SLC4A2: variants seen among roughly 807,000 people sequenced by gnomAD.
The protein encoded by SLC4A2 is solute carrier family 4 member 2.
SLC4A2 carries 36 observed loss-of-function variants against 115.0 expected under a neutral mutation model. The ratio of observed to expected loss-of-function variants is 0.31; its 90% CI spans 0.24 to 0.41. The LOEUF is 0.41. Ranked by LOEUF, SLC4A2 falls within the 10% of genes least tolerant of loss-of-function variation. The pLI is 1.00. For synonymous variants in SLC4A2, 708 were observed against 708.3 expected, an observed-to-expected ratio of 1.00 and a Z score of 0.01; for missense variants, 1,252 against 1,705.6, an observed-to-expected ratio of 0.73 and a Z score of 4.68.
At position 151,072,089 on chromosome 7, in the gene SLC4A2, T is replaced by C. The variant is rs774513086; in HGVS notation, c.2488T>C (p.Leu830=). 1.9e-6 allele frequency: 3 copies of C among 1,614,092 alleles called. No homozygotes were observed. The highest frequency in any genetic ancestry group is 1.7e-5 in the Admixed American group (1 of 60,020). The change falls in exon 16 of 23, where the codon TTG becomes CTG. Residue 830 remains leucine, a synonymous_variant. Transcript: ENST00000413384. ...SRFTQEIFAF[L]ISLIFIYETF... ...CTTCACCCAGGAGATCTTCGCCTTC[T>C]TGATCTCACTCATCTTCATCTATGA...
In SLC4A2 at chr7:151,070,354, G is replaced by A. The variant is rs766411783; in HGVS notation, c.1449+8G>A. On this transcript the variant is annotated splice_region_variant and intron_variant, in intron 10 of 22. Coordinates refer to ENST00000413384, the MANE Select transcript of SLC4A2 (RefSeq NM_003040.4). ...CTGGAGGTGGAGCGAGAGGTGAGGG[G>A]AGAACCAGCCCTGCCTGGGCTGGCG... 3 of 1,610,054 alleles carry A rather than the reference G, an allele frequency of 1.9e-6. No individual in the cohort carries two copies. The South Asian group carries it at 3.3e-5, about 18-fold the overall frequency.
At position 151,070,439 on chromosome 7, in the gene SLC4A2, C is replaced by T. The variant is rs765228649; in HGVS notation, c.1450-18C>T. On this transcript the variant is annotated intron_variant, in intron 10 of 22. Transcript: ENST00000413384. ...TGGGAGGGGCCTGGCTGGGCTGAGC[C>T]CTGTCTGTGTCCCCCAGCGTGAGCT... is the stretch of plus-strand genomic sequence containing the variant. The T allele has an allele frequency of 6.2e-7, 1 of 1,611,410 alleles. No individual in the cohort carries two copies. The highest frequency in any genetic ancestry group is 1.7e-5 in the Admixed American group (1 of 59,690).
intron 8 of SLC4A2, among the ~76,000 whole-genome samples, chr7:151,068,771 C>T (rs1797322686): frequency 6.6e-6 from 1 of 151,948 alleles, no homozygotes; most frequent in Non-Finnish European, 1.5e-5. Flanking sequence ...TTACCCGCCT[C>T]AGCCTCCCAA....
chr7:151,070,659 C>T (rs1797404276), intron 11 of SLC4A2, 68 bp from the exon 12 acceptor site: 37 of 1,603,024 alleles, frequency 2.3e-5, no homozygotes, highest in Non-Finnish European at 3.2e-5. Flanking sequence ...CTTGGTGCCA[C>T]CCTGGGCGAG....
In SLC4A2 at chr7:151,074,056, C is replaced by A. The variant is rs761865320; in HGVS notation, c.2553C>A (p.Pro851=). ...CTCCCCAGATCTTCCAGGAGCACCCCCTGCATGGCTGCTCAGCCTCCAACA... is the reference window on the plus strand; with the variant it reads ...CTCCCCAGATCTTCCAGGAGCACCCACTGCATGGCTGCTCAGCCTCCAACA... ...YKLVKIFQEH[P]LHGCSASNSS... Residue 851 remains proline (P), a synonymous_variant, in exon 17 of 23, where the codon CCC becomes CCA. Coordinates refer to ENST00000413384, the MANE Select transcript of SLC4A2 (RefSeq NM_003040.4). 1 of 1,586,780 alleles carries A rather than the reference C, an allele frequency of 6.3e-7. No individual in the cohort carries two copies. The highest frequency in any genetic ancestry group is 1.1e-5 in the South Asian group (1 of 89,674).
intron 2 of SLC4A2, chr7:151,062,591 G>A: frequency 1.3e-6 from 2 of 1,485,988 alleles, no homozygotes; most frequent in Non-Finnish European, 1.8e-6. Context: ...CTGGGAAGGG[G>A]CACAGGCTGG....
chr7:151,069,748 G>A (rs1014885845), intron 8 of SLC4A2, among the ~76,000 whole-genome samples, 199 bp from the exon 9 acceptor site: 2 of 152,160 alleles, frequency 1.3e-5, no homozygotes, highest in East Asian at 3.9e-4. Context: ...CTGGGGGTCT[G>A]GGGGAGGGGA....
rs138877524 is a variant in SLC4A2, at chr7:151,064,878, C to A, written c.490C>A (p.Arg164=). ...TCTCCAAGAGGATGACAGTGCTGAC[C>A]GGAAGGCAGAGAGGACCAGTCCATC... is the stretch of plus-strand genomic sequence containing the variant. ...FFLQEDDSAD[R]KAERTSPSSP... Residue 164 remains arginine (R), a synonymous_variant, in exon 5 of 23, where the codon CGG becomes AGG. Coordinates refer to ENST00000413384, the MANE Select transcript of SLC4A2 (RefSeq NM_003040.4). 1.1e-5 allele frequency: 17 copies of A among 1,613,850 alleles called. No homozygotes were observed. Among genetic ancestry groups the A allele is most frequent in the Non-Finnish European group, 3.4e-6 (4 of 1,179,994 alleles).
rs1217315002 is a variant in SLC4A2, at chr7:151,062,023, A to G, written c.36A>G (p.Ala12=). 7 of 1,611,064 alleles carry G rather than the reference A, an allele frequency of 4.3e-6. No homozygotes were observed. The highest frequency in any genetic ancestry group is 5.9e-6 in the Non-Finnish European group (7 of 1,179,730). The change falls in exon 2 of 23, where the codon GCA becomes GCG. Residue 12 remains alanine, a synonymous_variant. Coordinates refer to ENST00000413384, the MANE Select transcript of SLC4A2 (RefSeq NM_003040.4). ...SSAPRRPAKG[A]DSFCTPEPES... ...CCCCTCGGCGCCCCGCCAAGGGCGCAGATTCTTTCTGTACGGTGAGTGTGG... is the reference window on the plus strand; with the variant it reads ...CCCCTCGGCGCCCCGCCAAGGGCGCGGATTCTTTCTGTACGGTGAGTGTGG...
rs1797440242 is a variant in SLC4A2, at chr7:151,071,523, A to G, written c.2109A>G (p.Ala703=). The G allele has an allele frequency of 1.9e-6, 3 of 1,613,854 alleles. No individual in the cohort carries two copies. The highest frequency in any genetic ancestry group is 2.5e-6 in the Non-Finnish European group (3 of 1,179,954). ...YPHYLSDFRD[A]LDPQCLAAVI... is the part of the protein sequence containing the mutation. ...ACTACCTGAGTGACTTCCGAGATGC[A>G]CTTGACCCTCAGTGCCTGGCCGCAG... Residue 703 remains alanine (A), a synonymous_variant, in exon 14 of 23, where the codon GCA becomes GCG. Transcript: ENST00000413384. The surrounding 1 kb of genome is among the most constrained non-coding windows in gnomAD (Gnocchi z 5.5).
In SLC4A2 at chr7:151,064,669, A is replaced by G. The variant is rs1322633619; in HGVS notation, c.361A>G (p.Ile121Val). 1.2e-6 allele frequency: 2 copies of G among 1,613,732 alleles called. No individual in the cohort carries two copies. The highest frequency in any genetic ancestry group is 1.7e-6 in the Non-Finnish European group (2 of 1,179,802). The change falls in exon 4 of 23, where the codon ATT becomes GTT. Residue 121 changes from isoleucine (I) to valine (V), a missense_variant. By Grantham distance (29) the Ile-to-Val change is conservative. Coordinates refer to ENST00000413384, the MANE Select transcript of SLC4A2 (RefSeq NM_003040.4). ...CTCCCCGACTGGAGAAACCCCGACC[A>G]TTGAGGAGGGGGAGGAAGATGAGGA... Reference protein sequence around the residue: ...GASPTGETPTIEEGEEDEDEA... With the variant: ...GASPTGETPTVEEGEEDEDEA...
rs1173797570 is a variant in SLC4A2, at chr7:151,059,688, T to C, written c.-138T>C. 6.7e-6 allele frequency: 1 copy of C among 148,866 alleles called. No individual in the cohort carries two copies. Among genetic ancestry groups the C allele is most frequent in the Admixed American group, 6.6e-5 (1 of 15,130 alleles). 9.2% of individuals were successfully genotyped at this position (148,866 alleles called of 1,614,324 possible). On this transcript the variant is annotated 5_prime_UTR_variant, in exon 1 of 23. Transcript: ENST00000413384. This position sits in a 1 kb window ranked among gnomAD's most constrained non-coding sequence, Gnocchi z 5.8. ...CCCCGGGGTGGGCACGGGGCAGTCGTCGGGAGCGCGCGAGTGCGCCGGAGG... is the reference window on the plus strand; with the variant it reads ...CCCCGGGGTGGGCACGGGGCAGTCGCCGGGAGCGCGCGAGTGCGCCGGAGG...
chr7:151,069,907 G>C (rs770796180), intron 8 of SLC4A2, 40 bp from the exon 9 acceptor site: 2 of 1,612,770 alleles, frequency 1.2e-6, no homozygotes, highest in South Asian at 2.2e-5. Context: ...ACTGTTTTGT[G>C]ACCTGGGGCT....
chr7:151,074,682 G>C lies in SLC4A2; in HGVS notation c.2888G>C (p.Ser963Thr). The C allele has an allele frequency of 2.5e-6, 4 of 1,598,352 alleles. No individual in the cohort carries two copies. Among genetic ancestry groups the C allele is most frequent in the Non-Finnish European group, 3.4e-6 (4 of 1,172,906 alleles). The change falls in exon 19 of 23, where the codon AGC (serine) becomes ACC (threonine). Residue 963 changes from serine (S) to threonine (T), a missense_variant. Ser to Thr is a moderately conservative substitution (Grantham distance 58). Coordinates refer to ENST00000413384, the MANE Select transcript of SLC4A2 (RefSeq NM_003040.4). ...ACTGTGTCTGCCCTGCAGAAGCTGA[G>C]CGTTCCCAGTGGATTCTCGGTGACT... is the stretch of plus-strand genomic sequence containing the variant. ...SIEDTYTQKL[S>T]VPSGFSVTAP...
At chr7:151,062,891 C>T (rs33966546) in intron 2 of SLC4A2, 364,280 of 1,389,776 alleles carry the variant, frequency 0.26, 49,090 homozygotes, top group Admixed American at 0.45. Context: ...CCCCACCTCG[C>T]CCCTAAGACC....
At chr7:151,074,929 C>A in intron 19 of SLC4A2, 88 bp downstream of exon 19, 2 of 1,351,310 alleles carry the variant, frequency 1.5e-6, no homozygotes, top group Non-Finnish European at 2.0e-6. Context: ...CCACACTGGG[C>A]AATCCCAGGG....
intron 8 of SLC4A2, 95 bp downstream of exon 8, chr7:151,068,149 G>T: frequency 1.0e-6 from 1 of 962,828 alleles, no homozygotes; most frequent in South Asian, 2.2e-5. Flanking sequence ...TTGTGTGACA[G>T]CCCCAGAGCC....
At chr7:151,064,107 A>C in intron 2 of SLC4A2, 95 bp from the exon 3 acceptor site, 1 of 1,273,660 alleles carries the variant, frequency 7.9e-7, no homozygotes, top group Non-Finnish European at 1.1e-6. Context: ...CTGGCGGGGG[A>C]GGGTTCCTGG....
At chr7:151,067,021 A>C in intron 7 of SLC4A2, 28 bp downstream of exon 7, 1 of 1,556,172 alleles carries the variant, frequency 6.4e-7, no homozygotes, top group Non-Finnish European at 8.7e-7. Flanking sequence ...ATGCTCTTCC[A>C]TCAACTTCCC....
Sources: allele counts gnomAD v4.1 joint callset (sites outside exome capture counted in the v4.1 genomes callset), GRCh38; gene constraint gnomAD v4.1.1; non-coding constraint Gnocchi (gnomAD v3.1); transcripts MANE v1.5; gene names NCBI Gene and HGNC (gene_info 2026-07-23, HGNC 2026-07-21).